The following NID2 variants were observed in gnomAD, a reference collection of about 807,000 sequenced individuals.
The protein encoded by NID2 is nidogen 2.
Under a neutral mutation model 145.4 loss-of-function variants are expected in NID2, and 83 were observed. The observed-to-expected ratio is 0.57, with a 90% confidence interval of 0.48 to 0.69. The LOEUF (loss-of-function observed/expected upper bound fraction) is 0.69, where lower values mean the gene tolerates loss of function less well. Among genes scored for constraint, NID2 ranks in the 30% least tolerant of loss-of-function variants. The pLI is 0.00. For synonymous variants in NID2, 739 were observed against 701.3 expected, an observed-to-expected ratio of 1.05 and a Z score of -0.85; for missense variants, 1,807 against 1,765.7, an observed-to-expected ratio of 1.02 and a Z score of -0.42.
chr14:52,011,795 T>A, intron 16 of NID2, 112 bp from the exon 17 acceptor site: 1 of 1,291,906 alleles, frequency 7.7e-7, no homozygotes, highest in South Asian at 1.3e-5. Context: ...ACTGTGATCC[T>A]GCAGGCAACA....
chr14:52,044,355 C>T (rs1892402150), intron 5 of NID2, among the ~76,000 whole-genome samples: 1 of 149,746 alleles, frequency 6.7e-6, no homozygotes, highest in Non-Finnish European at 1.5e-5. Context: ...CTGCAAGCTC[C>T]ACCTCCCAGG....
chr14:52,060,931 C>T (rs1749055587), intron 2 of NID2, among the ~76,000 whole-genome samples: 1 of 152,202 alleles, frequency 6.6e-6, no homozygotes, highest in Non-Finnish European at 1.5e-5. Context: ...TCAGGGTTAT[C>T]CTCATTTCAC....
At chr14:52,028,564 A>T in intron 11 of NID2, 158 bp downstream of exon 11, 2 of 784,706 alleles carry the variant, frequency 2.5e-6, no homozygotes, top group Non-Finnish European at 3.8e-6. Flanking sequence ...GTGAGCCACC[A>T]CATCCAGCCA....
At position 52,014,271 on chromosome 14, in the gene NID2, G is replaced by T; in HGVS notation, c.3420+16C>A. 6.2e-7 allele frequency: 1 copy of T among 1,614,198 alleles called. No individual in the cohort carries two copies. Among genetic ancestry groups the T allele is most frequent in the South Asian group, 1.1e-5 (1 of 91,080 alleles). On this transcript the variant is annotated intron_variant, in intron 16 of 21. Transcript: ENST00000216286. ...AGCCACGCAGCCCTGCCCCCTACAG[G>T]AGAAATCCACTTTACATGCAGAGAC...
chr14:52,016,049 C>G (rs570769134), intron 14 of NID2, among the ~76,000 whole-genome samples: 1 of 152,258 alleles, frequency 6.6e-6, no homozygotes, highest in South Asian at 2.1e-4. Flanking sequence ...CCCTTTCCCC[C>G]CCTTTCTCCA....
intron 3 of NID2, among the ~76,000 whole-genome samples, chr14:52,057,214 T>A (rs936441530): frequency 1.3e-5 from 2 of 152,076 alleles, no homozygotes; most frequent in Admixed American, 1.3e-4. Context: ...GCTAATTTTT[T>A]AAATTTTTAG....
At chr14:52,064,533 C>T (rs1251976347) in intron 2 of NID2, among the ~76,000 whole-genome samples, 3 of 152,198 alleles carry the variant, frequency 2.0e-5, no homozygotes, top group Non-Finnish European at 4.4e-5. Flanking sequence ...ATAAATTAAT[C>T]CATTCCTGAG....
In NID2 at chr14:52,038,763, T is replaced by G. The variant is rs551311674; in HGVS notation, c.2241A>C (p.Gln747His). Residue 747 changes from glutamine (Q) to histidine (H), a missense_variant, in exon 9 of 22, where the codon CAA becomes CAC. Physicochemically the swap from Gln to His is conservative, Grantham distance 24 (BLOSUM62 0). Transcript: ENST00000216286. ...AAACCTTACCTTTGACCGGGCCAAT[T>G]TGATTGGTCACAGCAAATCTAAGCA... The part of the protein sequence containing the change: ...ERVLRFAVTN[Q>H]IGPVKEDSDP... The G allele has an allele frequency of 1.2e-5, 19 of 1,579,342 alleles. No individual in the cohort carries two copies. The South Asian group carries it at 1.9e-4, about 16-fold the overall frequency.
chr14:52,034,790 T>C lies in NID2; in HGVS notation c.2257+3957A>G, dbSNP rs1003805671. Among the ~76,000 whole-genome samples, 21 of 152,160 alleles carry C rather than the reference T, an allele frequency of 1.4e-4. 1 individual carries two copies. The highest frequency in any genetic ancestry group is 1.4e-3 in the Admixed American group (21 of 15,278). On this transcript the variant is annotated intron_variant, in intron 9 of 21. Transcript: ENST00000216286. ...CAACAGTTTCAATACAGTGGCTGAA[T>C]TGAGGAAGATGGTTTTTTTCTCCTG...
At chr14:52,006,405 T>C in intron 20 of NID2, 132 bp downstream of exon 20, 1 of 902,800 alleles carries the variant, frequency 1.1e-6, no homozygotes. Flanking sequence ...TATCTGCCAA[T>C]GAGGAGGTGA....
chr14:52,031,838 T>C (rs973970324), intron 9 of NID2, among the ~76,000 whole-genome samples: 1 of 152,246 alleles, frequency 6.6e-6, no homozygotes, highest in African/African-American at 2.4e-5. Flanking sequence ...GAGCCTTCAA[T>C]GAGGACATGA....
chr14:52,033,299 A>C lies in NID2; in HGVS notation c.2258-3609T>G, dbSNP rs541990165. Among the ~76,000 whole-genome samples the C allele has an allele frequency of 5.9e-5, 9 of 152,220 alleles. No individual in the cohort carries two copies. The South Asian group carries it at 1.9e-3, about 32-fold the overall frequency. ...AACAGTCCCTTCAGCTTCACTGCACAGCCCTCTGCCCAGAGCCTCCTCAAC... is the reference window on the plus strand; with the variant it reads ...AACAGTCCCTTCAGCTTCACTGCACCGCCCTCTGCCCAGAGCCTCCTCAAC... On this transcript the variant is annotated intron_variant, in intron 9 of 21. Transcript: ENST00000216286.
chr14:52,056,988 G>A (rs992645905), intron 3 of NID2, among the ~76,000 whole-genome samples: 17 of 152,246 alleles, frequency 1.1e-4, no homozygotes, highest in Admixed American at 1.1e-3. Flanking sequence ...TCACAGTTGT[G>A]AGACAAATTT....
chr14:52,039,402 A>C (rs1469542045), intron 8 of NID2, among the ~76,000 whole-genome samples: 1 of 152,226 alleles, frequency 6.6e-6, no homozygotes, highest in Non-Finnish European at 1.5e-5. Flanking sequence ...TCTACACCCT[A>C]AATTTTAAAC....
intron 9 of NID2, among the ~76,000 whole-genome samples, chr14:52,030,509 A>AAG (rs1491038977): frequency 0.018 from 1,487 of 84,428 alleles, 20 homozygotes; most frequent in South Asian, 0.078. Flanking sequence ...AAGAGAAAGA[A>AAG]AGAAAGAAAA....
chr14:52,013,582 CTG>C (rs1891108567), intron 16 of NID2, among the ~76,000 whole-genome samples: 1 of 152,202 alleles, frequency 6.6e-6, no homozygotes, highest in Non-Finnish European at 1.5e-5. Flanking sequence ...TGATTTTCCA[CTG>C]TGTCGATGCC....
chr14:52,049,907 AGAC>A (rs1892633516), intron 5 of NID2, among the ~76,000 whole-genome samples: 1 of 152,156 alleles, frequency 6.6e-6, no homozygotes. Flanking sequence ...TCCTGGTCAC[AGAC>A]CCTCTGCAAC....
intron 2 of NID2, among the ~76,000 whole-genome samples, chr14:52,060,974 T>C (rs1193836033): frequency 6.6e-6 from 1 of 152,178 alleles, no homozygotes; most frequent in Non-Finnish European, 1.5e-5. Context: ...CTAACAGGTC[T>C]TCCTCAGGTC....
intron 12 of NID2, among the ~76,000 whole-genome samples, chr14:52,023,684 G>T (rs1021502636): frequency 2.8e-4 from 43 of 152,032 alleles, no homozygotes; most frequent in Non-Finnish European, 6.0e-4. Context: ...CAATCCAAAA[G>T]GACAAACATG....
Sources: gnomAD v4.1 joint callset for allele counts (sites outside exome capture counted in the v4.1 genomes callset) on GRCh38, gnomAD v4.1.1 for gene constraint, MANE v1.5 for transcripts, NCBI Gene and HGNC (gene_info 2026-07-23, HGNC 2026-07-21) for gene names.